Variants in MKLN1 observed in about 807,000 individuals in gnomAD.
The protein encoded by MKLN1 is muskelin.
Under a neutral mutation model 99.0 loss-of-function variants are expected in MKLN1, and 18 were observed. The ratio of observed to expected loss-of-function variants is 0.18; its 90% CI spans 0.13 to 0.27. MKLN1 has a LOEUF of 0.27. Ranked by LOEUF, MKLN1 falls within the 10% of genes least tolerant of loss-of-function variation. MKLN1 has a pLI of 1.00. For missense variants in MKLN1, 621 were observed against 875.9 expected (o/e 0.71, Z 3.67); for synonymous variants, 288 against 293.2 (o/e 0.98, Z 0.18).
At chr7:131,111,128 T>C (rs1795190494) in intron 1 of MKLN1, among the ~76,000 whole-genome samples, 1 of 152,166 alleles carries the variant, frequency 6.6e-6, no homozygotes, top group Admixed American at 6.5e-5. Flanking sequence ...TTCTAAAACA[T>C]CATTTTTTTT....
chr7:131,327,376 T>C (rs1306823336), upstream of MKLN1: 1 of 153,304 alleles, frequency 6.5e-6, no homozygotes, highest in African/African-American at 2.4e-5. Context: ...TGTCTCCATC[T>C]GACTCTGGAA....
At chr7:131,356,112 G>A (rs1799871578) in intron 1 of MKLN1, among the ~76,000 whole-genome samples, 1 of 144,152 alleles carries the variant, frequency 6.9e-6, no homozygotes, top group Non-Finnish European at 1.5e-5. Context: ...AAGGAGCAAA[G>A]TACAACTTGG....
chr7:131,421,173 G>C (rs981137957), intron 8 of MKLN1, among the ~76,000 whole-genome samples: 5 of 152,164 alleles, frequency 3.3e-5, no homozygotes, highest in Admixed American at 2.6e-4. Context: ...TTGGGCTCAA[G>C]TGCACAATCT....
At chr7:131,158,564 G>T (rs770816995) in intron 2 of MKLN1, among the ~76,000 whole-genome samples, 1 of 152,084 alleles carries the variant, frequency 6.6e-6, no homozygotes, top group African/African-American at 2.4e-5. Context: ...AAGGTGACCC[G>T]CAGTCACATC....
intron 1 of MKLN1, among the ~76,000 whole-genome samples, chr7:131,119,737 C>G (rs1795332781): frequency 6.6e-6 from 1 of 152,248 alleles, no homozygotes. Flanking sequence ...CTTACACCCT[C>G]TGAAGCAATG....
intron 3 of MKLN1, among the ~76,000 whole-genome samples, chr7:131,288,090 C>G (rs1798159482): frequency 6.6e-6 from 1 of 152,110 alleles, no homozygotes; most frequent in African/African-American, 2.4e-5. Flanking sequence ...AATACAAGCC[C>G]CATGTCCTTC....
intron 3 of MKLN1, among the ~76,000 whole-genome samples, chr7:131,303,921 C>T (rs1224429124): frequency 2.0e-5 from 3 of 152,184 alleles, no homozygotes; most frequent in Non-Finnish European, 4.4e-5. Flanking sequence ...TATAGATGAT[C>T]CCTAAGCAAA....
chr7:131,239,519 G>C (rs1407472596), intron 3 of MKLN1, among the ~76,000 whole-genome samples: 1 of 151,992 alleles, frequency 6.6e-6, no homozygotes, highest in East Asian at 1.9e-4. Flanking sequence ...GGTCTTGCTA[G>C]GTTGCCCAGA....
At chr7:131,397,508 A>C in intron 5 of MKLN1, 132 bp downstream of exon 5, 1 of 561,530 alleles carries the variant, frequency 1.8e-6, no homozygotes, top group East Asian at 3.0e-5. Context: ...TTTATTAAGC[A>C]CTTCCAGTCT....
intron 1 of MKLN1, among the ~76,000 whole-genome samples, chr7:131,365,955 T>G (rs774455273): frequency 1.3e-5 from 2 of 152,196 alleles, no homozygotes; most frequent in Non-Finnish European, 2.9e-5. Context: ...TACTGACTTT[T>G]GTGTAGGAGC....
chr7:131,447,486 G>A (rs1467718512), intron 12 of MKLN1, among the ~76,000 whole-genome samples: 1 of 152,100 alleles, frequency 6.6e-6, no homozygotes, highest in Non-Finnish European at 1.5e-5. Context: ...GACTGCTTGA[G>A]CCCAGGAGTT....
At chr7:131,347,883 T>G (rs1022754785) in intron 1 of MKLN1, among the ~76,000 whole-genome samples, 1 of 152,180 alleles carries the variant, frequency 6.6e-6, no homozygotes, top group Non-Finnish European at 1.5e-5. Flanking sequence ...CAAAAATGGA[T>G]ACCGAATTAT....
chr7:131,215,467 C>T (rs1167192888), intron 3 of MKLN1, among the ~76,000 whole-genome samples: 1 of 152,060 alleles, frequency 6.6e-6, no homozygotes, highest in Non-Finnish European at 1.5e-5. Context: ...GTCTCAGCCT[C>T]CTGGGTAGCT....
intron 3 of MKLN1, among the ~76,000 whole-genome samples, chr7:131,208,903 T>G (rs980239993): frequency 6.6e-6 from 1 of 152,150 alleles, no homozygotes; most frequent in Non-Finnish European, 1.5e-5. Context: ...GGTTAGACAG[T>G]GATAGCAATG....
chr7:131,236,867 G>C (rs1797329072), intron 3 of MKLN1, among the ~76,000 whole-genome samples: 1 of 152,016 alleles, frequency 6.6e-6, no homozygotes, highest in Admixed American at 6.6e-5. Flanking sequence ...CACTCCTGTA[G>C]TCCCAGCTAC....
chr7:131,410,280 A>C (rs1794837119), intron 6 of MKLN1, among the ~76,000 whole-genome samples: 1 of 152,212 alleles, frequency 6.6e-6, no homozygotes, highest in African/African-American at 2.4e-5. Context: ...CCCACCATTT[A>C]AGAGCTGTGT....
chr7:131,328,154 T>G, intron 1 of MKLN1, 157 bp downstream of exon 1: 1 of 914,994 alleles, frequency 1.1e-6, no homozygotes, highest in Non-Finnish European at 1.6e-6. Flanking sequence ...GCTGAGAGCG[T>G]TGCTCGGCCT....
rs1584792511 is a variant in MKLN1, at chr7:131,487,387, C to G, written c.2087-220C>G. Among the ~76,000 whole-genome samples, 2 of 152,266 alleles carry G rather than the reference C, an allele frequency of 1.3e-5. No individual in the cohort carries two copies. The highest frequency in any genetic ancestry group is 6.5e-5 in the Admixed American group (1 of 15,284). On this transcript the variant is annotated intron_variant, in intron 17 of 17. Transcript: ENST00000352689. This position sits in a 1 kb window ranked among gnomAD's most constrained non-coding sequence, Gnocchi z 4.7. ...AGTAAACAGGATTATCACATACTTA[C>G]AGCTGAGGAAGCAAAGTCTGAAAGC...
At chr7:131,377,922 A>C (rs879907632) in intron 2 of MKLN1, among the ~76,000 whole-genome samples, 48 of 152,336 alleles carry the variant, frequency 3.2e-4, no homozygotes, top group Admixed American at 1.7e-3. Flanking sequence ...CATGAAAATA[A>C]ATACCATGCA....
Sources: gnomAD v4.1 joint callset for allele counts (sites outside exome capture counted in the v4.1 genomes callset) on GRCh38, gnomAD v4.1.1 for gene constraint, Gnocchi (gnomAD v3.1) non-coding constraint, MANE v1.5 for transcripts, NCBI Gene and HGNC (gene_info 2026-07-23, HGNC 2026-07-21) for gene names.